Variants in FBLIM1 observed in about 807,000 individuals in gnomAD.
FBLIM1 encodes filamin binding LIM protein 1.
Under a neutral mutation model 37.4 loss-of-function variants are expected in FBLIM1, and 29 were observed. The ratio of observed to expected loss-of-function variants is 0.77; its 90% confidence interval spans 0.58 to 1.06. The LOEUF is 1.06. Among genes scored for constraint, FBLIM1 ranks in the 50% least tolerant of loss-of-function variants. The pLI, the probability that FBLIM1 is intolerant of heterozygous loss-of-function variation, is 0.00. For missense variants in FBLIM1, 449 were observed against 505.6 expected (o/e 0.89, Z 1.07); for synonymous variants, 193 against 199.0 (o/e 0.97, Z 0.25).
chr1:15,784,917 T>C lies in FBLIM1; in HGVS notation c.*256T>C. 1 of 370,200 alleles carries C rather than the reference T, an allele frequency of 2.7e-6. No individual in the cohort carries two copies. Among genetic ancestry groups the C allele is most frequent in the South Asian group, 8.6e-5 (1 of 11,694 alleles). 22.9% of individuals were successfully genotyped at this position (370,200 alleles called of 1,614,324 possible). A position where few individuals can be genotyped will look rare whatever the true frequency, so the allele number is the denominator to read the frequency against. Reference sequence around the variant, plus strand: ...AATTCCCTGCTGACCCTGCCCCACTTCCAGGGAAAAGCTGGGGGAGGTTGG... The same window carrying C: ...AATTCCCTGCTGACCCTGCCCCACTCCCAGGGAAAAGCTGGGGGAGGTTGG... On this transcript the variant is annotated 3_prime_UTR_variant, in exon 9 of 9. Transcript: ENST00000375766.
upstream of FBLIM1, among the ~76,000 whole-genome samples, chr1:15,756,929 T>C (rs544439931): frequency 6.6e-6 from 1 of 152,172 alleles, no homozygotes; most frequent in Admixed American, 6.5e-5. Context: ...GCTCCACTTT[T>C]ATCTCTTAAA....
At chr1:15,768,250 AG>A (rs2069022793) in intron 4 of FBLIM1, among the ~76,000 whole-genome samples, 1 of 151,378 alleles carries the variant, frequency 6.6e-6, no homozygotes, top group African/African-American at 2.4e-5. Flanking sequence ...TCACAGGCCA[AG>A]GGCTTAGTCC....
intron 5 of FBLIM1, 81 bp from the exon 6 acceptor site, chr1:15,770,328 A>G: frequency 6.8e-7 from 1 of 1,467,008 alleles, no homozygotes; most frequent in South Asian, 1.2e-5. Flanking sequence ...AGCCTCGGGT[A>G]TCCTGAGCAT....
At chr1:15,779,288 A>G (rs565644039) in intron 8 of FBLIM1, among the ~76,000 whole-genome samples, 2 of 151,478 alleles carry the variant, frequency 1.3e-5, no homozygotes, top group Non-Finnish European at 1.5e-5. Context: ...TCTCTTTTAA[A>G]TTGTTTTTAT....
chr1:15,769,203 G>A lies in FBLIM1; in HGVS notation c.541+573G>A, dbSNP rs550193526. 1.4e-4 allele frequency among the ~76,000 whole-genome samples: 21 copies of A among 152,316 alleles called. No individual in the cohort carries two copies. In the South Asian group the frequency reaches 1.4e-3, roughly 11 times the overall value. ...AATATAAAGTGGCTCCTGGCTGAGC[G>A]TGGTGGCTCACGCCTATAATCCCAG... On this transcript the variant is annotated intron_variant, in intron 5 of 8. Coordinates refer to ENST00000375766, the MANE Select transcript of FBLIM1 (RefSeq NM_017556.4).
At chr1:15,779,093 G>A (rs762566378) in intron 8 of FBLIM1, among the ~76,000 whole-genome samples, 7 of 150,750 alleles carry the variant, frequency 4.6e-5, no homozygotes, top group Admixed American at 1.3e-4. Flanking sequence ...GTGCCACCAC[G>A]CCCGGCTAAT....
intron 4 of FBLIM1, among the ~76,000 whole-genome samples, chr1:15,768,325 G>T (rs2069025715): frequency 6.6e-6 from 1 of 152,196 alleles, no homozygotes; most frequent in Non-Finnish European, 1.5e-5. Context: ...AGGACAAGGA[G>T]CAGTGGCTGA....
chr1:15,774,007 C>T (rs1348696536), intron 6 of FBLIM1, among the ~76,000 whole-genome samples: 1 of 151,848 alleles, frequency 6.6e-6, no homozygotes, highest in African/African-American at 2.4e-5. Flanking sequence ...TGGTGGCGCA[C>T]ACCTGTAGTC....
intron 3 of FBLIM1, among the ~76,000 whole-genome samples, chr1:15,766,655 C>T (rs916225036): frequency 6.8e-5 from 10 of 146,206 alleles, no homozygotes; most frequent in African/African-American, 2.0e-4. Context: ...AGTGCAGTGG[C>T]GCAATCTCAG....
chr1:15,773,881 G>A lies in FBLIM1; in HGVS notation c.712-737G>A, dbSNP rs549626416. ...GAGGAAGCCAGACACGGTGGCTCAC[G>A]CCTGTAATCCCAGCACTTTGGGAAG... On this transcript the variant is annotated intron_variant, in intron 6 of 8. Coordinates refer to ENST00000375766, the MANE Select transcript of FBLIM1 (RefSeq NM_017556.4). 3.9e-5 allele frequency among the ~76,000 whole-genome samples: 6 copies of A among 152,174 alleles called. No individual in the cohort carries two copies. In the East Asian group the frequency reaches 1.2e-3, roughly 29 times the overall value.
At chr1:15,776,683 T>C (rs1339583779) in intron 7 of FBLIM1, among the ~76,000 whole-genome samples, 1 of 32,756 alleles carries the variant, frequency 3.1e-5, no homozygotes, top group African/African-American at 2.3e-4. Flanking sequence ...ACCAACATGG[T>C]GAAACCCGTC....
chr1:15,764,532 G>A lies in FBLIM1; in HGVS notation c.-174G>A, dbSNP rs534813701. 139 of 166,304 alleles carry A rather than the reference G, an allele frequency of 8.4e-4. No homozygotes were observed. Among genetic ancestry groups the A allele is most frequent in the Non-Finnish European group, 1.5e-3 (118 of 77,754 alleles). The allele number at this position is 166,304 out of a possible 1,614,324, so 10.3% of individuals were successfully genotyped here. On this transcript the variant is annotated 5_prime_UTR_variant, in exon 2 of 9. Transcript: ENST00000375766. Reference sequence around the variant, plus strand: ...ACCTCCAGGACTTCAGCCCTTCTAGGAGAATCTGATCCCAGGTGAGGGAGG... The same window carrying A: ...ACCTCCAGGACTTCAGCCCTTCTAGAAGAATCTGATCCCAGGTGAGGGAGG...
At chr1:15,756,966 C>G (rs2068455032), upstream of FBLIM1, among the ~76,000 whole-genome samples, 1 of 152,198 alleles carries the variant, frequency 6.6e-6, no homozygotes, top group African/African-American at 2.4e-5. Context: ...TAAGCATTTG[C>G]AAAGGGGTTC....
Position 15,767,366 on chromosome 1 carries a change from C to T in FBLIM1, c.251-10C>T. 1 of 1,563,614 alleles carries T rather than the reference C, an allele frequency of 6.4e-7. No homozygotes were observed. The highest frequency in any genetic ancestry group is 2.5e-5 in the East Asian group (1 of 39,976). ...GGCTCTGACCAGCCCTCTCTCCTCC[C>T]CCATTGCAGGATGCCCACCCCCTCC... On this transcript the variant is annotated splice_polypyrimidine_tract_variant and intron_variant, in intron 3 of 8. Coordinates refer to ENST00000375766, the MANE Select transcript of FBLIM1 (RefSeq NM_017556.4).
chr1:15,770,264 C>T (rs2069137243), intron 5 of FBLIM1, 145 bp from the exon 6 acceptor site: 1 of 814,452 alleles, frequency 1.2e-6, no homozygotes, highest in African/African-American at 1.7e-5. Flanking sequence ...CTTTTTAATG[C>T]TCCTCATGAC....
chr1:15,760,002 T>C (rs2068591072), intron 1 of FBLIM1, among the ~76,000 whole-genome samples: 2 of 151,942 alleles, frequency 1.3e-5, no homozygotes, highest in Admixed American at 1.3e-4. Context: ...GGCGGGCGGA[T>C]TACCTGAAGT....
chr1:15,777,000 G>A (rs1194916873), intron 7 of FBLIM1, 170 bp from the exon 8 acceptor site: 1 of 631,264 alleles, frequency 1.6e-6, no homozygotes, highest in African/African-American at 1.8e-5. Flanking sequence ...TCATTACACA[G>A]GTCTCTCCAC....
chr1:15,765,295 A>G lies in FBLIM1; in HGVS notation c.250+62A>G, dbSNP rs2068863930. ...GAGGCAGAGGTGGGGAGGAAAGGGC[A>G]GGCTCCAGCGTCATTCATTCATTCA... On this transcript the variant is annotated intron_variant, in intron 3 of 8. Transcript: ENST00000375766. This position sits in a 1 kb window ranked among gnomAD's most constrained non-coding sequence, Gnocchi z 5.9. 3 of 1,540,576 alleles carry G rather than the reference A, an allele frequency of 1.9e-6. No individual in the cohort carries two copies. Among genetic ancestry groups the G allele is most frequent in the African/African-American group, 2.8e-5 (2 of 72,696 alleles).
chr1:15,768,741 A>C, intron 5 of FBLIM1, 111 bp downstream of exon 5: 7 of 629,392 alleles, frequency 1.1e-5, no homozygotes, highest in Non-Finnish European at 1.7e-5. Context: ...ACCCCAGCTC[A>C]TGTTAACAAT....
Sources: allele counts gnomAD v4.1 joint callset (sites outside exome capture counted in the v4.1 genomes callset), GRCh38; gene constraint gnomAD v4.1.1; non-coding constraint Gnocchi (gnomAD v3.1); transcripts MANE v1.5; gene names NCBI Gene and HGNC (gene_info 2026-07-23, HGNC 2026-07-21).